The following DMD variants were observed in gnomAD, a reference collection of about 807,000 sequenced individuals.
DMD encodes the protein dystrophin.
Under a neutral mutation model 330.1 loss-of-function variants are expected in DMD, and 63 were observed. The ratio of observed to expected loss-of-function variants is 0.19; its 90% CI spans 0.16 to 0.24. The LOEUF (loss-of-function observed/expected upper bound fraction) is 0.24. Ranked by LOEUF, DMD falls within the 10% of genes least tolerant of loss-of-function variation. The pLI is 1.00. For synonymous variants in DMD, 1,223 were observed against 959.8 expected (o/e 1.27, Z -5.07); for missense variants, 3,344 against 2,684.1 (o/e 1.25, Z -5.43).
chrX:32,639,001 C>A (rs910871379), intron 11 of DMD, among the ~76,000 whole-genome samples: 1 of 111,304 alleles, frequency 9.0e-6, no homozygotes, highest in Admixed American at 9.5e-5. Flanking sequence ...GTGTATCTAC[C>A]CAGATACTAT....
Position 31,146,301 on chromosome X carries a change from C to T in DMD, c.10911G>A (p.Ser3637=), listed in dbSNP as rs747939733. 19 of 1,209,351 alleles carry T rather than the reference C, an allele frequency of 1.6e-5. No individual in the cohort carries two copies. The highest frequency in any genetic ancestry group is 7.0e-5 in the African/African-American group (4 of 57,113). The change falls in exon 76 of 79, where the codon TCG becomes TCA. Residue 3637 remains serine (S), a synonymous_variant. Coordinates refer to ENST00000357033, the MANE Select transcript of DMD (RefSeq NM_004006.3). ...AGCTAGGACACTTACCCATGGAGTC[C>T]GAAGTTTGACTGCCAACCACTCGGA... ...MLLRVVGSQT[S]DSMGEEDLLS...
chrX:32,791,117 C>T (rs934007034), intron 7 of DMD, among the ~76,000 whole-genome samples: 2 of 111,693 alleles, frequency 1.8e-5, no homozygotes, highest in East Asian at 2.8e-4. Flanking sequence ...CCAAAGCTGG[C>T]GTCAACCTAC....
intron 61 of DMD, among the ~76,000 whole-genome samples, chrX:31,330,195 C>T (rs1432017560): frequency 9.6e-6 from 1 of 104,676 alleles, no homozygotes; most frequent in Admixed American, 1.0e-4. Context: ...TAATTATACC[C>T]CAAGAAAGCT....
chrX:32,890,746 A>T (rs1310145015), intron 2 of DMD, among the ~76,000 whole-genome samples: 1 of 111,976 alleles, frequency 8.9e-6, no homozygotes, highest in Non-Finnish European at 1.9e-5. Context: ...GCCACTAGTT[A>T]TATGTGGCTA....
chrX:31,779,106 G>A (rs2090865042), intron 50 of DMD, among the ~76,000 whole-genome samples: 1 of 111,812 alleles, frequency 8.9e-6, no homozygotes, highest in South Asian at 3.7e-4. Flanking sequence ...GTTGTGCCAA[G>A]GATATTTCCT....
In DMD at chrX:32,818,319, T is replaced by G. The variant is rs376130147; in HGVS notation, c.358-1679A>C. On this transcript the variant is annotated intron_variant, in intron 5 of 78. Coordinates refer to ENST00000357033, the MANE Select transcript of DMD (RefSeq NM_004006.3). ...TTTATAGCATCATTATGTCACTAAT[T>G]CAGCTTATCAGCCTCAGCCTCGCTG... Among the ~76,000 whole-genome samples the G allele has an allele frequency of 1.2e-4, 14 of 112,038 alleles. No individual in the cohort carries two copies. In the East Asian group the frequency reaches 3.7e-3, roughly 29 times the overall value.
At chrX:32,206,102 TAAAG>T in intron 44 of DMD, 4 of 518,205 alleles carry the variant, frequency 7.7e-6, no homozygotes, top group Non-Finnish European at 1.4e-5. Flanking sequence ...GCAGTCCAAT[TAAAG>T]TAACACTGGC....
intron 7 of DMD, among the ~76,000 whole-genome samples, chrX:32,761,244 A>T (rs1169230596): frequency 8.9e-6 from 1 of 112,041 alleles, no homozygotes; most frequent in East Asian, 2.8e-4. Flanking sequence ...CAGCTACTGT[A>T]TGGCACATTC....
intron 1 of DMD, among the ~76,000 whole-genome samples, chrX:33,241,125 A>T (rs1385787150): frequency 9.0e-6 from 1 of 111,103 alleles, no homozygotes; most frequent in East Asian, 2.8e-4. Context: ...TATCCAGAAA[A>T]TTTTTGCCCA....
chrX:32,747,527 C>T (rs982175875), intron 7 of DMD, among the ~76,000 whole-genome samples: 71 of 111,960 alleles, frequency 6.3e-4, no homozygotes, highest in African/African-American at 2.2e-3. Context: ...GTTGTCCAGG[C>T]TCGAGTGCAG....
intron 2 of DMD, among the ~76,000 whole-genome samples, chrX:32,982,378 T>G (rs2092728070): frequency 8.9e-6 from 1 of 111,817 alleles, no homozygotes; most frequent in Non-Finnish European, 1.9e-5. Flanking sequence ...CCTGCAATAG[T>G]TTTTATTATA....
chrX:32,483,146 C>CATATATATATATATATATAT lies in DMD; in HGVS notation c.2803+1772_2803+1773insATATATATATATATATATAT, dbSNP rs201134649. On this transcript the variant is annotated intron_variant, in intron 21 of 78. Coordinates refer to ENST00000357033, the MANE Select transcript of DMD (RefSeq NM_004006.3). ...ATTTCATATGCTACATTTTTCATTC[C>CATATATATATATATATATAT]ATATATATATATATATATACACCAT... is the stretch of plus-strand genomic sequence containing the variant. Among the ~76,000 whole-genome samples the CATATATATATATATATATAT allele has an allele frequency of 2.4e-3, 94 of 39,267 alleles. 3 individuals carry two copies. Among genetic ancestry groups the CATATATATATATATATATAT allele is most frequent in the African/African-American group, 5.6e-3 (89 of 15,780 alleles). The allele number at this position is 39,267 out of a possible 115,157, so 34.1% of individuals were successfully genotyped here.
At chrX:31,846,434 T>TACACACAC (rs67231830) in intron 48 of DMD, among the ~76,000 whole-genome samples, 2 of 95,471 alleles carry the variant, frequency 2.1e-5, no homozygotes, top group East Asian at 3.3e-4. Context: ...AATCAAGAAA[T>TACACACAC]ACACACACAC....
chrX:31,748,608 A>G (rs2088071212), intron 51 of DMD, among the ~76,000 whole-genome samples: 1 of 112,070 alleles, frequency 8.9e-6, no homozygotes, highest in Non-Finnish European at 1.9e-5. Flanking sequence ...TACTACAACA[A>G]GAGTAATAAC....
intron 7 of DMD, among the ~76,000 whole-genome samples, chrX:32,799,386 A>G (rs1209534225): frequency 9.0e-6 from 1 of 111,635 alleles, no homozygotes; most frequent in African/African-American, 3.3e-5. Flanking sequence ...TTTTTGTTCT[A>G]AAGTTACCCT....
rs149290179 is a variant in DMD, at chrX:31,949,561, C to A, written c.6615-17334G>T. On this transcript the variant is annotated intron_variant, in intron 45 of 78. Transcript: ENST00000357033. ...TGTGGATATCAGATTTTTCTACATA[C>A]AGGATTGTATTGTCTGTGAATAAAG... Among the ~76,000 whole-genome samples the A allele has an allele frequency of 6.4e-3, 716 of 111,169 alleles. 8 individuals carry two copies. Among genetic ancestry groups the A allele is most frequent in the East Asian group, 0.041 (144 of 3,519 alleles).
intron 13 of DMD, among the ~76,000 whole-genome samples, chrX:32,588,210 A>G (rs1035212024): frequency 8.9e-6 from 1 of 112,288 alleles, no homozygotes; most frequent in East Asian, 2.8e-4. Flanking sequence ...AGATTCTAAT[A>G]AAAGAGTAAA....
At chrX:31,422,637 A>G (rs1417938028) in intron 60 of DMD, among the ~76,000 whole-genome samples, 1 of 111,989 alleles carries the variant, frequency 8.9e-6, no homozygotes, top group Non-Finnish European at 1.9e-5. Flanking sequence ...TTGCCCTTTT[A>G]AGATACAAAT....
chrX:31,822,653 GGTGTGT>G (rs1556919105), intron 49 of DMD, among the ~76,000 whole-genome samples: 50 of 65,804 alleles, frequency 7.6e-4, no homozygotes, highest in South Asian at 1.1e-3. Context: ...AAGGCAGAGG[GGTGTGT>G]GTGTGTGTGT....
Sources: allele counts gnomAD v4.1 joint callset (sites outside exome capture counted in the v4.1 genomes callset), GRCh38; gene constraint gnomAD v4.1.1; transcripts MANE v1.5; gene names NCBI Gene and HGNC (gene_info 2026-07-23, HGNC 2026-07-21).